Variants in MOSMO observed in about 807,000 individuals in gnomAD.
MOSMO encodes modulator of smoothened protein.
MOSMO carries 5 observed loss-of-function variants against 18.4 expected under a neutral mutation model. The observed-to-expected ratio is 0.27, with a 90% confidence interval of 0.14 to 0.57. The LOEUF is 0.57. Among genes scored for constraint, MOSMO ranks in the 20% least tolerant of loss-of-function variants. The pLI, the probability that MOSMO is intolerant of heterozygous loss-of-function variation, is 0.92. For synonymous variants in MOSMO, 82 were observed against 82.3 expected, an observed-to-expected ratio of 1.00 and a Z score of 0.02; for missense variants, 138 against 211.8, an observed-to-expected ratio of 0.65 and a Z score of 2.16.
At chr16:22,064,758 A>T (rs1294232941) in intron 1 of MOSMO, among the ~76,000 whole-genome samples, 1 of 152,144 alleles carries the variant, frequency 6.6e-6, no homozygotes, top group Non-Finnish European at 1.5e-5. Context: ...CAAAGACAGA[A>T]TTGTATGGAT....
intron 1 of MOSMO, among the ~76,000 whole-genome samples, chr16:22,070,572 T>C (rs1186591180): frequency 6.6e-6 from 1 of 151,950 alleles, no homozygotes; most frequent in East Asian, 1.9e-4. Context: ...CAGTGGAGAG[T>C]AGGGCTCAGC....
At chr16:22,087,772 G>T (rs1901213785), downstream of MOSMO, among the ~76,000 whole-genome samples, 1 of 152,072 alleles carries the variant, frequency 6.6e-6, no homozygotes. Flanking sequence ...TGCCTTCAGG[G>T]TTATCAGTAA....
chr16:22,050,887 G>GAAA (rs34532029), intron 1 of MOSMO, among the ~76,000 whole-genome samples: 2 of 70,482 alleles, frequency 2.8e-5, no homozygotes, highest in Non-Finnish European at 5.6e-5. Context: ...TGTCTCTTAA[G>GAAA]AAAAAAAAAA....
chr16:22,079,274 G>GT (rs1740380412), intron 2 of MOSMO, among the ~76,000 whole-genome samples: 1 of 152,152 alleles, frequency 6.6e-6, no homozygotes, highest in Non-Finnish European at 1.5e-5. Context: ...AACGCATTCA[G>GT]TTAATAATGG....
intron 1 of MOSMO, among the ~76,000 whole-genome samples, chr16:22,022,325 C>T (rs1899782315): frequency 6.6e-6 from 1 of 152,124 alleles, no homozygotes. Flanking sequence ...CCAGGCCCTG[C>T]CGGTATCACT....
Position 22,075,475 on chromosome 16 carries a change from G to T in MOSMO, c.107-12G>T. On this transcript the variant is annotated splice_polypyrimidine_tract_variant and intron_variant, in intron 1 of 2. Coordinates refer to ENST00000542527, the MANE Select transcript of MOSMO (RefSeq NM_001164579.2). ...ACCCACTAAAGTATTCCCACCATTT[G>T]CATCTCCCCAGGAGCACTCACTGTG... is the stretch of plus-strand genomic sequence containing the variant. The T allele has an allele frequency of 6.5e-7, 1 of 1,535,484 alleles. No homozygotes were observed. Among genetic ancestry groups the T allele is most frequent in the Non-Finnish European group, 8.7e-7 (1 of 1,145,328 alleles).
chr16:22,012,490 A>G (rs1019240260), intron 1 of MOSMO, among the ~76,000 whole-genome samples: 1 of 152,236 alleles, frequency 6.6e-6, no homozygotes, highest in African/African-American at 2.4e-5. Flanking sequence ...CTAGTTTATA[A>G]GAACAGGTGT....
chr16:22,071,845 G>A (rs921081749), intron 1 of MOSMO, among the ~76,000 whole-genome samples: 28 of 152,162 alleles, frequency 1.8e-4, no homozygotes, highest in African/African-American at 6.8e-4. Flanking sequence ...ACAAAAATTC[G>A]TGAATGGCTG....
intron 1 of MOSMO, among the ~76,000 whole-genome samples, chr16:22,018,287 T>G (rs1387226776): frequency 2.6e-5 from 4 of 152,150 alleles, no homozygotes; most frequent in African/African-American, 9.7e-5. Context: ...CAAAATTTCA[T>G]TATTGCAATA....
At chr16:22,076,007 C>T (rs1323254164) in intron 2 of MOSMO, 1 of 285,738 alleles carries the variant, frequency 3.5e-6, no homozygotes, top group Non-Finnish European at 6.8e-6. Flanking sequence ...GTCTTTTCCT[C>T]TTCTTGAAGC....
At chr16:22,055,339 A>C (rs1397677557) in intron 1 of MOSMO, among the ~76,000 whole-genome samples, 1 of 152,186 alleles carries the variant, frequency 6.6e-6, no homozygotes, top group Non-Finnish European at 1.5e-5. Flanking sequence ...GTACTGCTAC[A>C]TCCACACCAC....
intron 1 of MOSMO, among the ~76,000 whole-genome samples, chr16:22,066,859 C>T (rs1900757307): frequency 6.6e-6 from 1 of 152,110 alleles, no homozygotes; most frequent in South Asian, 2.1e-4. Flanking sequence ...CACACAGAAA[C>T]AGGAAAGTGT....
intron 1 of MOSMO, among the ~76,000 whole-genome samples, chr16:22,050,077 C>A (rs1900392284): frequency 6.6e-6 from 1 of 152,104 alleles, no homozygotes; most frequent in Admixed American, 6.5e-5. Flanking sequence ...AAAAGGAAAA[C>A]CCTTCTTAAG....
At chr16:22,017,815 C>T (rs575368123) in intron 1 of MOSMO, among the ~76,000 whole-genome samples, 39 of 152,100 alleles carry the variant, frequency 2.6e-4, no homozygotes, top group Admixed American at 5.2e-4. Flanking sequence ...GAGGAGAATT[C>T]TTGCCAAATA....
At chr16:22,020,200 C>T (rs1255674036) in intron 1 of MOSMO, among the ~76,000 whole-genome samples, 6 of 139,694 alleles carry the variant, frequency 4.3e-5, no homozygotes, top group Non-Finnish European at 6.1e-5. Context: ...GCAACAAGAG[C>T]GAAAACTCCA....
chr16:22,021,955 G>A (rs548826284), intron 1 of MOSMO, among the ~76,000 whole-genome samples: 9 of 152,208 alleles, frequency 5.9e-5, no homozygotes, highest in African/African-American at 2.2e-4. Context: ...TTGAAGGGTG[G>A]TTGTAAGAAT....
chr16:22,013,508 A>T (rs1246334931), intron 1 of MOSMO, among the ~76,000 whole-genome samples: 40 of 152,120 alleles, frequency 2.6e-4, no homozygotes, highest in Admixed American at 2.6e-3. Flanking sequence ...TCAGGGGGAA[A>T]AATTAGTGTT....
At chr16:22,089,743 A>G (rs764316184), downstream of MOSMO, among the ~76,000 whole-genome samples, 7 of 151,836 alleles carry the variant, frequency 4.6e-5, no homozygotes, top group Non-Finnish European at 7.4e-5. Flanking sequence ...GGGAATGACA[A>G]ACTTTGGTGA....
intron 1 of MOSMO, among the ~76,000 whole-genome samples, chr16:22,054,684 A>G (rs925241836): frequency 6.6e-6 from 1 of 152,206 alleles, no homozygotes; most frequent in Admixed American, 6.5e-5. Flanking sequence ...AATGCTGAAC[A>G]ATTTAAATGC....
Sources: allele counts gnomAD v4.1 joint callset (sites outside exome capture counted in the v4.1 genomes callset), GRCh38; gene constraint gnomAD v4.1.1; transcripts MANE v1.5; gene names NCBI Gene and HGNC (gene_info 2026-07-23, HGNC 2026-07-21).